AGBL4: variants seen among roughly 807,000 people sequenced by gnomAD.
AGBL4 encodes the protein cytosolic carboxypeptidase 6.
AGBL4 carries 58 observed loss-of-function variants against 66.4 expected under a neutral mutation model. That is an observed-to-expected ratio of 0.87 (90% CI 0.71 to 1.09). The LOEUF is 1.09. AGBL4 is among the 50% of genes least tolerant of loss of function. The probability of loss-of-function intolerance (pLI) is 0.00; values close to 1 mark genes in which losing one functional copy is unlikely to be tolerated. For synonymous variants in AGBL4, 234 were observed against 222.9 expected (o/e 1.05, Z -0.44); for missense variants, 579 against 631.0 (o/e 0.92, Z 0.88).
At chr1:48,876,459 A>C (rs1308224010) in intron 5 of AGBL4, among the ~76,000 whole-genome samples, 1 of 152,168 alleles carries the variant, frequency 6.6e-6, no homozygotes, top group East Asian at 1.9e-4. Context: ...AGAAGATTAC[A>C]TGCTAGGGCA....
chr1:49,318,386 A>AGATGATGATGATGAT (rs3052048), intron 3 of AGBL4, among the ~76,000 whole-genome samples: 8 of 148,676 alleles, frequency 5.4e-5, no homozygotes, highest in Non-Finnish European at 1.2e-4. Context: ...ATTTAAATGC[A>AGATGATGATGATGAT]GATGATGATG....
intron 5 of AGBL4, among the ~76,000 whole-genome samples, chr1:49,010,789 C>G (rs942839335): frequency 2.2e-4 from 34 of 151,972 alleles, no homozygotes; most frequent in African/African-American, 7.0e-4. Context: ...AAAGGATTCC[C>G]TATTTAATAA....
chr1:49,290,389 T>A (rs1243496142), intron 3 of AGBL4, among the ~76,000 whole-genome samples: 1 of 152,186 alleles, frequency 6.6e-6, no homozygotes, highest in Admixed American at 6.5e-5. Context: ...ACAAAATCAC[T>A]GAAACATATT....
chr1:48,832,137 G>T (rs1482353481), intron 6 of AGBL4, among the ~76,000 whole-genome samples: 2 of 152,326 alleles, frequency 1.3e-5, no homozygotes, highest in Non-Finnish European at 1.5e-5. Flanking sequence ...AGTCAGGAGT[G>T]TCTGGCATAA....
intron 2 of AGBL4, among the ~76,000 whole-genome samples, chr1:49,702,475 G>C (rs917018378): frequency 6.6e-6 from 1 of 151,970 alleles, no homozygotes; most frequent in South Asian, 2.1e-4. Flanking sequence ...TAGTGATAGA[G>C]CGAGGCTCCG....
At chr1:49,111,410 C>T (rs1409881811) in intron 4 of AGBL4, among the ~76,000 whole-genome samples, 1 of 152,230 alleles carries the variant, frequency 6.6e-6, no homozygotes, top group African/African-American at 2.4e-5. Flanking sequence ...CCGCACCTGG[C>T]CCAATTCCTT....
At chr1:49,644,082 A>G (rs1013313324) in intron 3 of AGBL4, among the ~76,000 whole-genome samples, 3 of 151,728 alleles carry the variant, frequency 2.0e-5, no homozygotes. Context: ...AAATGGAAGT[A>G]TATTCTTGTG....
At chr1:49,400,514 C>A (rs776116221) in intron 3 of AGBL4, among the ~76,000 whole-genome samples, 19 of 152,114 alleles carry the variant, frequency 1.2e-4, no homozygotes, top group Non-Finnish European at 1.5e-5. Context: ...AATTCATAAA[C>A]ATGGAATATC....
chr1:48,851,606 C>T (rs1647034107), intron 6 of AGBL4, among the ~76,000 whole-genome samples: 1 of 152,184 alleles, frequency 6.6e-6, no homozygotes, highest in Non-Finnish European at 1.5e-5. Flanking sequence ...TAGCTGAAAA[C>T]CACCAGTTTT....
At chr1:48,801,591 T>C (rs1645809450) in intron 6 of AGBL4, among the ~76,000 whole-genome samples, 1 of 152,136 alleles carries the variant, frequency 6.6e-6, no homozygotes, top group South Asian at 2.1e-4. Flanking sequence ...CCATTTCAGC[T>C]CTAGGTAAGG....
At chr1:49,735,297 G>GTA (rs1558203419) in intron 2 of AGBL4, among the ~76,000 whole-genome samples, 1 of 26,126 alleles carries the variant, frequency 3.8e-5, no homozygotes, top group African/African-American at 4.4e-4. Flanking sequence ...AGGTGTGTGG[G>GTA]TGTGTGTGTG....
At chr1:49,169,851 C>G (rs1311180540) in intron 4 of AGBL4, among the ~76,000 whole-genome samples, 1 of 152,124 alleles carries the variant, frequency 6.6e-6, no homozygotes, top group Non-Finnish European at 1.5e-5. Context: ...TGCATAAAGA[C>G]AAACCCCATG....
intron 1 of AGBL4, among the ~76,000 whole-genome samples, chr1:49,913,873 A>C (rs535938842): frequency 6.6e-6 from 1 of 152,298 alleles, no homozygotes; most frequent in South Asian, 2.1e-4. Flanking sequence ...AGAATGCAAG[A>C]AGTAGACTCT....
At chr1:49,948,424 G>GATAAATATATAAATATAT (rs1557609613) in intron 1 of AGBL4, among the ~76,000 whole-genome samples, 18 of 60,228 alleles carry the variant, frequency 3.0e-4, no homozygotes, top group South Asian at 2.6e-3. Flanking sequence ...GATAAATATA[G>GATAAATATATAAATATAT]ATAAATATAT....
intron 5 of AGBL4, among the ~76,000 whole-genome samples, chr1:48,961,303 G>C (rs1381068478): frequency 6.6e-6 from 1 of 152,166 alleles, no homozygotes; most frequent in African/African-American, 2.4e-5. Context: ...GTGGCAGCTG[G>C]CTCCTGAAAT....
intron 5 of AGBL4, among the ~76,000 whole-genome samples, chr1:49,006,167 G>A (rs546156428): frequency 1.4e-4 from 21 of 152,236 alleles, no homozygotes; most frequent in Admixed American, 9.8e-4. Context: ...CAGTGGGTGC[G>A]TGCACCGTGC....
intron 3 of AGBL4, among the ~76,000 whole-genome samples, chr1:49,528,814 A>G (rs1460550699): frequency 1.3e-5 from 2 of 152,098 alleles, no homozygotes; most frequent in African/African-American, 4.8e-5. Context: ...CAAAGCAAGG[A>G]AGTTTGAGAT....
chr1:48,567,635 G>A (rs1437059710), intron 11 of AGBL4, among the ~76,000 whole-genome samples: 2 of 152,162 alleles, frequency 1.3e-5, no homozygotes, highest in African/African-American at 4.8e-5. Flanking sequence ...GAATGCAAAG[G>A]TACAACACTG....
chr1:49,336,336 T>C (rs1645436959), intron 3 of AGBL4, among the ~76,000 whole-genome samples: 1 of 152,186 alleles, frequency 6.6e-6, no homozygotes, highest in Admixed American at 6.5e-5. Flanking sequence ...TAGACTTTTG[T>C]TCTATTTAGG....
Sources: gnomAD v4.1 joint callset for allele counts (sites outside exome capture counted in the v4.1 genomes callset) on GRCh38, gnomAD v4.1.1 for gene constraint, MANE v1.5 for transcripts, NCBI Gene and HGNC (gene_info 2026-07-23, HGNC 2026-07-21) for gene names.